CHST11: variants seen among roughly 807,000 people sequenced by gnomAD.
CHST11 encodes carbohydrate sulfotransferase 11, also known as C4S-1.
A neutral mutation model predicts 30.4 loss-of-function variants in CHST11; 9 were observed. The observed-to-expected ratio is 0.30, with a 90% CI of 0.18 to 0.52. The LOEUF is 0.52. Among genes scored for constraint, CHST11 ranks in the 20% least tolerant of loss-of-function variants. The pLI, the probability that CHST11 is intolerant of heterozygous loss-of-function variation, is 0.97. For missense variants in CHST11, 348 were observed against 460.6 expected, an observed-to-expected ratio of 0.76 and a Z score of 2.24; for synonymous variants, 152 against 187.8, an observed-to-expected ratio of 0.81 and a Z score of 1.56.
intron 1 of CHST11, among the ~76,000 whole-genome samples, chr12:104,573,698 C>G (rs1175508059): frequency 6.6e-6 from 1 of 152,138 alleles, no homozygotes; most frequent in Non-Finnish European, 1.5e-5. Context: ...ACACCTTATA[C>G]AAAAATTAAT....
chr12:104,716,518 G>A (rs996171811), intron 2 of CHST11, among the ~76,000 whole-genome samples: 2 of 152,190 alleles, frequency 1.3e-5, no homozygotes, highest in African/African-American at 2.4e-5. Context: ...TTCTATGATC[G>A]TCTCGCATCC....
At chr12:104,712,694 T>C (rs1482167447) in intron 2 of CHST11, among the ~76,000 whole-genome samples, 1 of 152,198 alleles carries the variant, frequency 6.6e-6, no homozygotes, top group African/African-American at 2.4e-5. Flanking sequence ...CCTCAGTCCC[T>C]GAACAGTCCC....
At chr12:104,679,592 G>C (rs1478387258) in intron 2 of CHST11, among the ~76,000 whole-genome samples, 1 of 152,148 alleles carries the variant, frequency 6.6e-6, no homozygotes, top group South Asian at 2.1e-4. Flanking sequence ...GCTGGTGAGG[G>C]GGGCCAGGCC....
At chr12:104,472,725 T>TA (rs2135955318) in intron 1 of CHST11, among the ~76,000 whole-genome samples, 1 of 152,322 alleles carries the variant, frequency 6.6e-6, no homozygotes, top group East Asian at 1.9e-4. Flanking sequence ...CGATTGCTGT[T>TA]ACAAAGAGAG....
At chr12:104,706,462 GGAGAGA>G (rs150610226) in intron 2 of CHST11, among the ~76,000 whole-genome samples, 2 of 145,416 alleles carry the variant, frequency 1.4e-5, no homozygotes, top group Non-Finnish European at 3.0e-5. Context: ...GGATGGAGAG[GGAGAGA>G]GAGAGAGAGA....
chr12:104,689,688 G>A (rs147166775), intron 2 of CHST11, among the ~76,000 whole-genome samples: 158 of 152,260 alleles, frequency 1.0e-3, no homozygotes, highest in Non-Finnish European at 1.9e-3. Flanking sequence ...TTTAACAATG[G>A]AGAGATTTGG....
At position 104,504,278 on chromosome 12, in the gene CHST11, C is replaced by G. The variant is rs1035924418; in HGVS notation, c.118+46749C>G. Among the ~76,000 whole-genome samples the G allele has an allele frequency of 2.6e-5, 4 of 152,358 alleles. No homozygotes were observed. In the East Asian group the frequency reaches 5.8e-4, roughly 22 times the overall value. On this transcript the variant is annotated intron_variant, in intron 1 of 2. Transcript: ENST00000303694. ...CCGACTGCTCATGGCTGAAGCAGCC[C>G]TGCCTTGCCCAGCTTGGTCGAGCTG...
intron 2 of CHST11, among the ~76,000 whole-genome samples, chr12:104,704,228 C>G (rs930970771): frequency 2.6e-5 from 4 of 152,242 alleles, no homozygotes; most frequent in East Asian, 1.9e-4. Context: ...CTACCTCCCC[C>G]CACTGTCTGT....
intron 1 of CHST11, among the ~76,000 whole-genome samples, chr12:104,563,307 G>A (rs1263433861): frequency 6.6e-6 from 1 of 152,172 alleles, no homozygotes; most frequent in Non-Finnish European, 1.5e-5. Flanking sequence ...CTAAGTGCTG[G>A]GATTACAGGT....
At chr12:104,651,242 T>C (rs1464948864) in intron 2 of CHST11, among the ~76,000 whole-genome samples, 1 of 152,250 alleles carries the variant, frequency 6.6e-6, no homozygotes, top group Non-Finnish European at 1.5e-5. Flanking sequence ...GTAAGAGACC[T>C]GATTTGCAAT....
At chr12:104,589,579 T>G (rs1823466288) in intron 1 of CHST11, among the ~76,000 whole-genome samples, 1 of 152,112 alleles carries the variant, frequency 6.6e-6, no homozygotes, top group Non-Finnish European at 1.5e-5. Flanking sequence ...CACCTGAAAG[T>G]GGTCAAAATG....
chr12:104,740,010 A>G (rs1488209330), intron 2 of CHST11, among the ~76,000 whole-genome samples: 1 of 152,240 alleles, frequency 6.6e-6, no homozygotes, highest in Admixed American at 6.5e-5. Context: ...ATTTTTGTTC[A>G]GTATTTATTG....
chr12:104,594,003 C>T (rs905056996), intron 1 of CHST11, among the ~76,000 whole-genome samples: 3 of 152,188 alleles, frequency 2.0e-5, no homozygotes, highest in Non-Finnish European at 4.4e-5. Flanking sequence ...TGTTCATTTG[C>T]TATTAGTAAG....
intron 1 of CHST11, among the ~76,000 whole-genome samples, chr12:104,476,896 G>A (rs1454010210): frequency 6.6e-6 from 1 of 151,278 alleles, no homozygotes; most frequent in Non-Finnish European, 1.5e-5. Flanking sequence ...CCAGTCCCTG[G>A]CGTATGACAG....
intron 1 of CHST11, among the ~76,000 whole-genome samples, chr12:104,584,638 T>C (rs922726649): frequency 7.9e-5 from 12 of 151,042 alleles, no homozygotes; most frequent in Non-Finnish European, 1.6e-4. Flanking sequence ...ATATTTTGAA[T>C]TCTGTTGCTT....
At chr12:104,536,986 G>A (rs1190483959) in intron 1 of CHST11, among the ~76,000 whole-genome samples, 2 of 152,170 alleles carry the variant, frequency 1.3e-5, no homozygotes, top group Non-Finnish European at 2.9e-5. Context: ...AATAACTTTA[G>A]CTCCCAGGGG....
In CHST11 at chr12:104,637,497, A is replaced by T. The variant is rs187131808; in HGVS notation, c.204+35506A>T. On this transcript the variant is annotated intron_variant, in intron 2 of 2. Transcript: ENST00000303694. The stretch of plus-strand genomic sequence containing the variant: ...AACTTAAAGTATAATAATAATTTTT[A>T]AAAAAACCACAAAAACCTTTGGCTA... 6.5e-3 allele frequency among the ~76,000 whole-genome samples: 991 copies of T among 152,166 alleles called. 11 individuals carry two copies. The highest frequency in any genetic ancestry group is 0.021 in the African/African-American group (883 of 41,498).
intron 2 of CHST11, among the ~76,000 whole-genome samples, chr12:104,659,285 G>A (rs892652298): frequency 6.6e-6 from 1 of 152,216 alleles, no homozygotes; most frequent in Admixed American, 6.5e-5. Flanking sequence ...AAAGTGGGGT[G>A]ACAGTCTCTT....
chr12:104,537,063 C>T (rs1313026753), intron 1 of CHST11, among the ~76,000 whole-genome samples: 1 of 152,152 alleles, frequency 6.6e-6, no homozygotes, highest in Non-Finnish European at 1.5e-5. Flanking sequence ...CATGGCTGCC[C>T]TCTGGTTACA....
Sources: allele counts gnomAD v4.1 joint callset (sites outside exome capture counted in the v4.1 genomes callset), GRCh38; gene constraint gnomAD v4.1.1; transcripts MANE v1.5; gene names NCBI Gene and HGNC (gene_info 2026-07-23, HGNC 2026-07-21).